ARMC3: variants seen among roughly 807,000 people sequenced by gnomAD.
The protein encoded by ARMC3 is armadillo repeat containing 3.
In ARMC3, 74 loss-of-function variants were observed where a neutral mutation model predicts 90.3. That is an observed-to-expected ratio of 0.82 (90% CI 0.68 to 0.99). The LOEUF is 0.99. Ranked by LOEUF, ARMC3 falls within the 50% of genes least tolerant of loss-of-function variation. The pLI is 0.00. For synonymous variants in ARMC3, 334 were observed against 361.8 expected, an observed-to-expected ratio of 0.92 and a Z score of 0.87; for missense variants, 958 against 1,042.8, an observed-to-expected ratio of 0.92 and a Z score of 1.12.
intron 3 of ARMC3, among the ~76,000 whole-genome samples, chr10:22,954,115 T>A (rs958797266): frequency 6.6e-6 from 1 of 152,218 alleles, no homozygotes; most frequent in Non-Finnish European, 1.5e-5. Flanking sequence ...CCCTAATGAC[T>A]AATGATGGAG....
intron 2 of ARMC3, among the ~76,000 whole-genome samples, chr10:22,932,931 C>CATA (rs1355908472): frequency 2.0e-5 from 3 of 152,226 alleles, no homozygotes; most frequent in Admixed American, 2.0e-4. Flanking sequence ...AAATGGGAAT[C>CATA]ATAATATCAA....
intron 18 of ARMC3, among the ~76,000 whole-genome samples, chr10:23,037,007 T>C (rs562870329): frequency 6.6e-6 from 1 of 152,298 alleles, no homozygotes; most frequent in East Asian, 1.9e-4. Flanking sequence ...ACCCTCGCCA[T>C]CTGATACAAT....
At chr10:22,968,140 A>G (rs145278883) in intron 7 of ARMC3, among the ~76,000 whole-genome samples, 166 bp from the exon 8 acceptor site, 3 of 152,314 alleles carry the variant, frequency 2.0e-5, no homozygotes, top group East Asian at 3.9e-4. Flanking sequence ...CATGGCCAAG[A>G]AGAGTGATGT....
At chr10:22,983,530 A>G (rs994689288) in intron 10 of ARMC3, among the ~76,000 whole-genome samples, 1 of 152,170 alleles carries the variant, frequency 6.6e-6, no homozygotes, top group Non-Finnish European at 1.5e-5. Context: ...CCTATTATAT[A>G]CTGTCCATTC....
chr10:22,988,933 A>T (rs977205400), intron 10 of ARMC3, among the ~76,000 whole-genome samples: 4 of 152,226 alleles, frequency 2.6e-5, no homozygotes, highest in Non-Finnish European at 5.9e-5. Flanking sequence ...TTCGTGTTGT[A>T]GACTTGATGT....
At chr10:22,963,924 A>ACAC (rs1835331098) in intron 7 of ARMC3, among the ~76,000 whole-genome samples, 1 of 79,376 alleles carries the variant, frequency 1.3e-5, no homozygotes, top group Non-Finnish European at 2.4e-5. Flanking sequence ...CACACACACA[A>ACAC]AAAAAAAAAA....
intron 8 of ARMC3, among the ~76,000 whole-genome samples, chr10:22,980,801 A>G (rs575610971): frequency 5.9e-5 from 9 of 152,316 alleles, no homozygotes; most frequent in South Asian, 4.1e-4. Context: ...TGAGAAAAAA[A>G]TGATTATATT....
At chr10:22,951,655 T>C (rs1301908671) in intron 3 of ARMC3, among the ~76,000 whole-genome samples, 1 of 152,078 alleles carries the variant, frequency 6.6e-6, no homozygotes, top group African/African-American at 2.4e-5. Flanking sequence ...ATAAATAACA[T>C]ACTTTTAAAT....
chr10:22,987,148 C>T (rs989766994), intron 10 of ARMC3, among the ~76,000 whole-genome samples: 12 of 152,074 alleles, frequency 7.9e-5, no homozygotes, highest in Non-Finnish European at 1.2e-4. Context: ...CTTTTGAAAA[C>T]GAGAAAACCG....
intron 16 of ARMC3, among the ~76,000 whole-genome samples, chr10:23,029,599 T>A (rs76438078): frequency 0.013 from 1,904 of 152,306 alleles, 29 homozygotes; most frequent in African/African-American, 0.043. Flanking sequence ...CAAAAAAGAT[T>A]GCTGAATTAC....
intron 3 of ARMC3, among the ~76,000 whole-genome samples, chr10:22,950,522 A>G (rs1476448192): frequency 6.6e-6 from 1 of 152,200 alleles, no homozygotes; most frequent in Non-Finnish European, 1.5e-5. Flanking sequence ...AAATGGAATC[A>G]GTAATATTCA....
chr10:23,035,029 A>T lies in ARMC3; in HGVS notation c.2409+2006A>T, dbSNP rs556972175. Among the ~76,000 whole-genome samples the T allele has an allele frequency of 3.3e-5, 5 of 152,264 alleles. No individual in the cohort carries two copies. In the South Asian group the frequency reaches 1.0e-3, roughly 32 times the overall value. On this transcript the variant is annotated intron_variant, in intron 18 of 18. Transcript: ENST00000298032. ...CAAAATACCATAGACTGGAAGATTA[A>T]ACAGCATTTATTTATTTCTCATAGT... is the stretch of plus-strand genomic sequence containing the variant.
intron 16 of ARMC3, chr10:23,014,444 A>T: frequency 9.3e-7 from 1 of 1,073,234 alleles, no homozygotes; most frequent in Non-Finnish European, 1.1e-6. Context: ...AAAACTTTGG[A>T]CTCCTGGAAA....
chr10:23,005,503 A>G (rs1837557142), intron 13 of ARMC3, among the ~76,000 whole-genome samples: 1 of 152,206 alleles, frequency 6.6e-6, no homozygotes, highest in Non-Finnish European at 1.5e-5. Context: ...CTTCCATGGT[A>G]CCAGTGCTGG....
intron 2 of ARMC3, among the ~76,000 whole-genome samples, chr10:22,932,437 G>A (rs1443513196): frequency 6.6e-6 from 1 of 152,164 alleles, no homozygotes; most frequent in East Asian, 1.9e-4. Flanking sequence ...ATGTATATAA[G>A]GTTGTCTGGT....
chr10:23,026,452 T>C (rs1327520445), intron 16 of ARMC3, among the ~76,000 whole-genome samples: 1 of 152,098 alleles, frequency 6.6e-6, no homozygotes, highest in Non-Finnish European at 1.5e-5. Flanking sequence ...ATCAATGTAA[T>C]CCATCATATT....
rs148414986 is a variant in ARMC3, at chr10:22,998,262, C to T, written c.1290C>T (p.Pro430=). The T allele has an allele frequency of 1.1e-3, 1,779 of 1,612,302 alleles. 1 individual carries two copies. The highest frequency in any genetic ancestry group is 1.4e-3 in the Admixed American group (83 of 59,760). Reference sequence around the variant, plus strand: ...TAACAAACATGGCCATGCAGGAGCCCCTGCGCCTGAACATACAGAATCACG... The same window carrying T: ...TAACAAACATGGCCATGCAGGAGCCTCTGCGCCTGAACATACAGAATCACG... ...TVLTNMAMQE[P]LRLNIQNHDI... The change falls in exon 11 of 19, where the codon CCC becomes CCT. Residue 430 remains proline (P), a synonymous_variant. Transcript: ENST00000298032.
At position 22,946,230 on chromosome 10, in the gene ARMC3, A is replaced by G. The variant is rs1392065149; in HGVS notation, c.135A>G (p.Ala45=). The G allele has an allele frequency of 1.2e-6, 2 of 1,610,488 alleles. No homozygotes were observed. Among genetic ancestry groups the G allele is most frequent in the South Asian group, 1.1e-5 (1 of 90,190 alleles). The change falls in exon 3 of 19, where the codon GCA becomes GCG. Residue 45 remains alanine (A), a synonymous_variant. Coordinates refer to ENST00000298032, the MANE Select transcript of ARMC3 (RefSeq NM_173081.5). ...CAGAAGAGGAAATTTTGGCTAAAGC[A>G]TGTGAAGCCATTTATAAATTTGCTT... ...NSPEEEILAK[A]CEAIYKFALK...
At chr10:22,942,495 A>G (rs1333987584) in intron 2 of ARMC3, among the ~76,000 whole-genome samples, 1 of 152,202 alleles carries the variant, frequency 6.6e-6, no homozygotes, top group Non-Finnish European at 1.5e-5. Flanking sequence ...AGCAGCAGGC[A>G]TTTCTCCAGC....
Sources: gnomAD v4.1 joint callset for allele counts (sites outside exome capture counted in the v4.1 genomes callset) on GRCh38, gnomAD v4.1.1 for gene constraint, MANE v1.5 for transcripts, NCBI Gene and HGNC (gene_info 2026-07-23, HGNC 2026-07-21) for gene names.